The following TMEM132D variants were observed in gnomAD, a reference collection of about 807,000 sequenced individuals.
TMEM132D encodes the protein mature OL transmembrane protein.
Under a neutral mutation model 62.3 loss-of-function variants are expected in TMEM132D, and 21 were observed. The ratio of observed to expected loss-of-function variants is 0.34; its 90% CI spans 0.24 to 0.49. The LOEUF (loss-of-function observed/expected upper bound fraction) is 0.49, where lower values mean the gene tolerates loss of function less well. Among genes scored for constraint, TMEM132D ranks in the 20% least tolerant of loss-of-function variants. The probability of loss-of-function intolerance (pLI) is 0.99; values close to 1 mark genes in which losing one functional copy is unlikely to be tolerated. For synonymous variants in TMEM132D, 621 were observed against 575.6 expected, an observed-to-expected ratio of 1.08 and a Z score of -1.13; for missense variants, 1,346 against 1,402.8, an observed-to-expected ratio of 0.96 and a Z score of 0.65.
intron 3 of TMEM132D, among the ~76,000 whole-genome samples, chr12:129,423,713 T>C (rs1872396155): frequency 6.6e-6 from 1 of 152,036 alleles, no homozygotes; most frequent in African/African-American, 2.4e-5. Context: ...CCTTAGAAAA[T>C]GCCTTCCTCA....
At chr12:129,750,098 T>A (rs1869949673) in intron 1 of TMEM132D, among the ~76,000 whole-genome samples, 1 of 152,126 alleles carries the variant, frequency 6.6e-6, no homozygotes, top group Admixed American at 6.5e-5. Flanking sequence ...TTTATTTATT[T>A]ATTTTGAGAT....
At chr12:129,244,643 GTTTT>G (rs1480547248) in intron 4 of TMEM132D, among the ~76,000 whole-genome samples, 1 of 151,872 alleles carries the variant, frequency 6.6e-6, no homozygotes, top group Non-Finnish European at 1.5e-5. Flanking sequence ...GTTTTGTTTT[GTTTT>G]GTTTTGTTTT....
At chr12:129,851,448 G>A (rs116077874) in intron 1 of TMEM132D, among the ~76,000 whole-genome samples, 1,881 of 152,120 alleles carry the variant, frequency 0.012, 41 homozygotes, top group African/African-American at 0.042. Flanking sequence ...TAAATTGTAC[G>A]CACGCCAGCA....
intron 4 of TMEM132D, among the ~76,000 whole-genome samples, chr12:129,265,558 T>C (rs1566016348): frequency 6.6e-6 from 1 of 152,098 alleles, no homozygotes; most frequent in East Asian, 1.9e-4. Flanking sequence ...CTCCCGGCCC[T>C]CATGGCTGCG....
chr12:129,240,349 G>A (rs1256092091), intron 4 of TMEM132D, among the ~76,000 whole-genome samples: 1 of 152,108 alleles, frequency 6.6e-6, no homozygotes, highest in African/African-American at 2.4e-5. Flanking sequence ...GAGAAAACTG[G>A]TTTGAATATC....
intron 3 of TMEM132D, among the ~76,000 whole-genome samples, chr12:129,497,374 A>ACT (rs1416729324): frequency 1.3e-5 from 2 of 151,678 alleles, no homozygotes. Flanking sequence ...TTCCTTTGAA[A>ACT]CTCTAGCTTG....
At chr12:129,301,284 C>G (rs1881706932) in intron 4 of TMEM132D, among the ~76,000 whole-genome samples, 1 of 152,088 alleles carries the variant, frequency 6.6e-6, no homozygotes, top group South Asian at 2.1e-4. Flanking sequence ...TATCTAGTCC[C>G]TATATTATAA....
At chr12:129,438,455 T>C (rs1365205575) in intron 3 of TMEM132D, among the ~76,000 whole-genome samples, 1 of 152,216 alleles carries the variant, frequency 6.6e-6, no homozygotes, top group Non-Finnish European at 1.5e-5. Context: ...ATGAAAATAC[T>C]CATTTATAAA....
chr12:129,549,561 C>G (rs1876834482), intron 2 of TMEM132D, among the ~76,000 whole-genome samples: 1 of 152,216 alleles, frequency 6.6e-6, no homozygotes, highest in South Asian at 2.1e-4. Context: ...TTGCCTTCTG[C>G]CATGATTGTG....
chr12:129,420,067 G>A (rs528429809), intron 3 of TMEM132D, among the ~76,000 whole-genome samples: 2 of 152,268 alleles, frequency 1.3e-5, no homozygotes, highest in Admixed American at 6.5e-5. Context: ...CACACTTGGA[G>A]CTTGGTACTG....
chr12:129,640,044 G>C (rs888918595), intron 2 of TMEM132D, among the ~76,000 whole-genome samples: 1 of 86,330 alleles, frequency 1.2e-5, no homozygotes, highest in African/African-American at 4.3e-5. Context: ...AAAACCACAC[G>C]TGTGCACACA....
intron 4 of TMEM132D, among the ~76,000 whole-genome samples, chr12:129,237,457 A>G (rs991590002): frequency 6.6e-6 from 1 of 152,152 alleles, no homozygotes; most frequent in African/African-American, 2.4e-5. Context: ...TTAGTTCATG[A>G]TATTTTCTAA....
At chr12:129,199,146 G>A (rs1271187427) in intron 5 of TMEM132D, among the ~76,000 whole-genome samples, 1 of 119,118 alleles carries the variant, frequency 8.4e-6, no homozygotes, top group Non-Finnish European at 1.6e-5. Flanking sequence ...GTCTCGCTCT[G>A]TCATCCAGGA....
chr12:129,511,658 T>C (rs923127054), intron 3 of TMEM132D, among the ~76,000 whole-genome samples: 6 of 152,240 alleles, frequency 3.9e-5, no homozygotes, highest in African/African-American at 9.6e-5. Context: ...TCTGTTCAAA[T>C]ATGTTGCCCA....
At chr12:129,335,581 T>C (rs555253366) in intron 4 of TMEM132D, among the ~76,000 whole-genome samples, 19 of 152,340 alleles carry the variant, frequency 1.2e-4, no homozygotes, top group East Asian at 1.2e-3. Flanking sequence ...TAATTTGTTA[T>C]GTTATTCTTT....
chr12:129,262,961 T>A (rs1402589613), intron 4 of TMEM132D: 1 of 132,486 alleles, frequency 7.5e-6, no homozygotes, highest in Non-Finnish European at 1.7e-5. Context: ...TGGCTTCTGG[T>A]TGGGGTTGGG....
chr12:129,792,745 G>A (rs1339863062), intron 1 of TMEM132D, among the ~76,000 whole-genome samples: 1 of 152,202 alleles, frequency 6.6e-6, no homozygotes, highest in Non-Finnish European at 1.5e-5. Flanking sequence ...AGTTCTTTAA[G>A]AAGTAAGTTT....
chr12:129,335,950 A>C (rs758311259), intron 4 of TMEM132D, among the ~76,000 whole-genome samples: 2 of 152,318 alleles, frequency 1.3e-5, no homozygotes, highest in East Asian at 3.9e-4. Flanking sequence ...TGCAGAATAT[A>C]GATGTGATGG....
intron 1 of TMEM132D, among the ~76,000 whole-genome samples, chr12:129,785,718 G>A (rs1249353074): frequency 6.6e-6 from 1 of 152,132 alleles, no homozygotes; most frequent in African/African-American, 2.4e-5. Context: ...GAACTGTGAG[G>A]AAATGAATTT....
Sources: gnomAD v4.1 joint callset for allele counts (sites outside exome capture counted in the v4.1 genomes callset) on GRCh38, gnomAD v4.1.1 for gene constraint, MANE v1.5 for transcripts, NCBI Gene and HGNC (gene_info 2026-07-23, HGNC 2026-07-21) for gene names.